Variants in FBXL7 observed in about 807,000 individuals in gnomAD.
FBXL7 encodes the protein F-box and leucine rich repeat protein 7.
FBXL7 carries 12 observed loss-of-function variants against 38.3 expected under a neutral mutation model. The observed-to-expected ratio is 0.31, with a 90% CI of 0.20 to 0.51. FBXL7 has a LOEUF of 0.51. Ranked by LOEUF, FBXL7 falls within the 20% of genes least tolerant of loss-of-function variation. FBXL7 has a pLI of 0.98. For synonymous variants in FBXL7, 297 were observed against 300.9 expected (o/e 0.99, Z 0.13); for missense variants, 567 against 676.4 (o/e 0.84, Z 1.79).
chr5:15,805,976 T>C (rs966559290), intron 2 of FBXL7, among the ~76,000 whole-genome samples: 5 of 152,202 alleles, frequency 3.3e-5, no homozygotes, highest in African/African-American at 1.2e-4. Context: ...GTATAGTCCT[T>C]TACATTTCTC....
intron 1 of FBXL7, chr5:15,607,020 A>G (rs1740048083): frequency 6.6e-6 from 1 of 152,252 alleles, no homozygotes; most frequent in African/African-American, 2.4e-5. Flanking sequence ...TGCTGTAGGG[A>G]CAGACATTGA....
At chr5:15,644,486 G>A (rs905548103) in intron 2 of FBXL7, among the ~76,000 whole-genome samples, 1 of 151,806 alleles carries the variant, frequency 6.6e-6, no homozygotes, top group Non-Finnish European at 1.5e-5. Context: ...AAAAAAAATG[G>A]TAATGACTTC....
intron 2 of FBXL7, among the ~76,000 whole-genome samples, chr5:15,906,140 C>T (rs1366527050): frequency 6.6e-6 from 1 of 151,872 alleles, no homozygotes; most frequent in Non-Finnish European, 1.5e-5. Flanking sequence ...ATCAAATGTA[C>T]ACTTCCTTCC....
intron 2 of FBXL7, among the ~76,000 whole-genome samples, chr5:15,888,705 C>G (rs1740783287): frequency 6.6e-6 from 1 of 152,162 alleles, no homozygotes; most frequent in Non-Finnish European, 1.5e-5. Context: ...ACTTCTCTTT[C>G]ACGGCCCACT....
At chr5:15,613,421 C>G (rs575862949) in intron 1 of FBXL7, among the ~76,000 whole-genome samples, 1 of 152,296 alleles carries the variant, frequency 6.6e-6, no homozygotes, top group East Asian at 1.9e-4. Flanking sequence ...AGCTGCCAGG[C>G]CACAAAGGCT....
At position 15,887,196 on chromosome 5, in the gene FBXL7, G is replaced by T. The variant is rs376271132; in HGVS notation, c.128-40694G>T. 4.6e-5 allele frequency among the ~76,000 whole-genome samples: 7 copies of T among 152,138 alleles called. No homozygotes were observed. In the East Asian group the frequency reaches 7.7e-4, roughly 17 times the overall value. On this transcript the variant is annotated intron_variant, in intron 2 of 3. Transcript: ENST00000504595. ...ACTGGACTTGACAAGACCACCAATT[G>T]TTCTGTTGTGTTTTGGAAACTCGAT...
chr5:15,660,931 C>T (rs914785965), intron 2 of FBXL7, among the ~76,000 whole-genome samples: 8 of 152,028 alleles, frequency 5.3e-5, no homozygotes, highest in Admixed American at 5.2e-4. Context: ...ATTCTGGTCC[C>T]TCTTCTTTTG....
chr5:15,917,729 C>G (rs561840087), intron 2 of FBXL7, among the ~76,000 whole-genome samples: 1 of 147,910 alleles, frequency 6.8e-6, no homozygotes, highest in Non-Finnish European at 1.5e-5. Context: ...ACGATGCTAG[C>G]GAAATACTAC....
At chr5:15,632,789 T>G (rs1231143979) in intron 2 of FBXL7, among the ~76,000 whole-genome samples, 2 of 152,186 alleles carry the variant, frequency 1.3e-5, no homozygotes, top group African/African-American at 4.8e-5. Flanking sequence ...ATACTGTGTG[T>G]TATCATTAGT....
At chr5:15,791,977 A>G (rs1221410509) in intron 2 of FBXL7, among the ~76,000 whole-genome samples, 1 of 152,186 alleles carries the variant, frequency 6.6e-6, no homozygotes, top group East Asian at 1.9e-4. Context: ...CGTGAAAAAC[A>G]TCCATTTAAT....
At chr5:15,713,624 C>A (rs1249996083) in intron 2 of FBXL7, among the ~76,000 whole-genome samples, 1 of 152,144 alleles carries the variant, frequency 6.6e-6, no homozygotes, top group Non-Finnish European at 1.5e-5. Context: ...ATAAACATGT[C>A]AGTAGCATGA....
At chr5:15,921,564 A>G (rs1244061531) in intron 2 of FBXL7, among the ~76,000 whole-genome samples, 5 of 152,280 alleles carry the variant, frequency 3.3e-5, no homozygotes, top group Admixed American at 1.3e-4. Context: ...TTCCCAGGGA[A>G]AAAAAGTTTG....
chr5:15,758,481 T>G (rs983102660), intron 2 of FBXL7, among the ~76,000 whole-genome samples: 4 of 152,050 alleles, frequency 2.6e-5, no homozygotes, highest in African/African-American at 9.7e-5. Context: ...AGTATTGAGA[T>G]CAAAATACCC....
intron 1 of FBXL7, among the ~76,000 whole-genome samples, chr5:15,509,546 G>A (rs756884875): frequency 6.6e-6 from 1 of 152,128 alleles, no homozygotes; most frequent in Non-Finnish European, 1.5e-5. Flanking sequence ...CCTGGACAAC[G>A]TCTTTAATTC....
rs550052124 is a variant in FBXL7, at chr5:15,703,371, C to T, written c.127+87299C>T. 1.8e-4 allele frequency among the ~76,000 whole-genome samples: 27 copies of T among 152,228 alleles called. No individual in the cohort carries two copies. The East Asian group carries it at 4.8e-3, about 27-fold the overall frequency. ...GAATTTCCAAAAATTTACTTTGATTCTATGATGTGCATGAAGAAAACCAAA... is the reference window on the plus strand; with the variant it reads ...GAATTTCCAAAAATTTACTTTGATTTTATGATGTGCATGAAGAAAACCAAA... On this transcript the variant is annotated intron_variant, in intron 2 of 3. Transcript: ENST00000504595.
At chr5:15,500,814 G>A in intron 1 of FBXL7, 101 bp downstream of exon 1, 1 of 1,438,558 alleles carries the variant, frequency 7.0e-7, no homozygotes, top group Non-Finnish European at 9.6e-7. Flanking sequence ...CGGCCGTGAC[G>A]CACCCCATTT....
intron 1 of FBXL7, among the ~76,000 whole-genome samples, chr5:15,510,019 A>G (rs1406594496): frequency 3.3e-5 from 5 of 152,320 alleles, no homozygotes; most frequent in Non-Finnish European, 7.3e-5. Flanking sequence ...CCCGTTCCGT[A>G]GTTGAAAAAG....
At chr5:15,508,599 A>C (rs146585482) in intron 1 of FBXL7, among the ~76,000 whole-genome samples, 2 of 152,160 alleles carry the variant, frequency 1.3e-5, no homozygotes, top group Admixed American at 1.3e-4. Context: ...GGGATCAACT[A>C]TCTGACCCTG....
intron 2 of FBXL7, among the ~76,000 whole-genome samples, chr5:15,746,280 C>A (rs1302687627): frequency 6.6e-6 from 1 of 151,912 alleles, no homozygotes; most frequent in East Asian, 1.9e-4. Context: ...CCAAGGGGAG[C>A]GGTAGAGTCG....
Sources: gnomAD v4.1 joint callset for allele counts (sites outside exome capture counted in the v4.1 genomes callset) on GRCh38, gnomAD v4.1.1 for gene constraint, MANE v1.5 for transcripts, NCBI Gene and HGNC (gene_info 2026-07-23, HGNC 2026-07-21) for gene names.